CACNA2D3: variants seen among roughly 807,000 people sequenced by gnomAD.
The protein encoded by CACNA2D3 is calcium voltage-gated channel auxiliary subunit alpha2delta 3, also known as voltage-dependent calcium channel subunit alpha-2/delta-3.
A neutral mutation model predicts 160.6 loss-of-function variants in CACNA2D3; 60 were observed. The observed-to-expected ratio is 0.37, with a 90% CI of 0.30 to 0.46. CACNA2D3 has a LOEUF of 0.46. Ranked by LOEUF, CACNA2D3 falls within the 20% of genes least tolerant of loss-of-function variation. The pLI, the probability that CACNA2D3 is intolerant of heterozygous loss-of-function variation, is 1.00. For missense variants in CACNA2D3, 1,205 were observed against 1,365.0 expected, an observed-to-expected ratio of 0.88 and a Z score of 1.85; for synonymous variants, 558 against 492.9, an observed-to-expected ratio of 1.13 and a Z score of -1.75.
rs148169173 is a variant in CACNA2D3 at position 54,800,784 on chromosome 3, A to G, written c.1381-16069A>G. Among the ~76,000 whole-genome samples, 503 of 152,294 alleles carry G rather than the reference A, an allele frequency of 3.3e-3. 3 individuals are homozygous for G. The highest frequency in any genetic ancestry group is 0.011 in the African/African-American group (467 of 41,562). On this transcript the variant is annotated intron_variant, in intron 13 of 37. Coordinates refer to ENST00000474759, the MANE Select transcript of CACNA2D3 (RefSeq NM_018398.3). ...TTTTCATTCAAAATTAAGTTTGAAA[A>G]TATGACCTTCAGTGACCAGTCCACA...
intron 3 of CACNA2D3, among the ~76,000 whole-genome samples, chr3:54,343,734 C>T (rs1476532442): frequency 6.6e-6 from 1 of 152,112 alleles, no homozygotes; most frequent in East Asian, 1.9e-4. Context: ...AAACCCTCTA[C>T]CCCCCACAGC....
intron 13 of CACNA2D3, among the ~76,000 whole-genome samples, chr3:54,772,289 C>G (rs954430722): frequency 4.6e-5 from 7 of 151,388 alleles, no homozygotes; most frequent in African/African-American, 1.7e-4. Flanking sequence ...GAAAACCCAG[C>G]AGCAGTAAAT....
intron 2 of CACNA2D3, among the ~76,000 whole-genome samples, chr3:54,153,750 G>C (rs1416123745): frequency 6.6e-6 from 1 of 152,138 alleles, no homozygotes; most frequent in Non-Finnish European, 1.5e-5. Context: ...CATTGCACTG[G>C]TATTTTTATT....
rs539499554 is a variant in CACNA2D3 at position 54,526,771 on chromosome 3, A to G, written c.544+23117A>G. ...AGTGGCATGATCTCAGCTCACTGCA[A>G]CCTCCACCTCCTGGGTTCAAGTGAT... On this transcript the variant is annotated intron_variant, in intron 5 of 37. Coordinates refer to ENST00000474759, the MANE Select transcript of CACNA2D3 (RefSeq NM_018398.3). Among the ~76,000 whole-genome samples, 9 of 152,004 alleles carry G rather than the reference A, an allele frequency of 5.9e-5. No homozygotes were observed. In the East Asian group the frequency reaches 1.7e-3, roughly 29 times the overall value.
chr3:54,588,590 A>G (rs913363821), intron 9 of CACNA2D3, among the ~76,000 whole-genome samples: 8 of 152,184 alleles, frequency 5.3e-5, no homozygotes, highest in African/African-American at 1.9e-4. Context: ...AGAACTAATA[A>G]GAGAGCTCAG....
At chr3:54,751,290 A>G (rs919629393) in intron 11 of CACNA2D3, among the ~76,000 whole-genome samples, 7 of 152,226 alleles carry the variant, frequency 4.6e-5, no homozygotes, top group Admixed American at 3.9e-4. Context: ...CCAAGCACAG[A>G]TGAGCACAGA....
At chr3:54,729,615 A>G (rs1177645040) in intron 11 of CACNA2D3, among the ~76,000 whole-genome samples, 2 of 152,190 alleles carry the variant, frequency 1.3e-5, no homozygotes, top group Admixed American at 1.3e-4. Context: ...GTTATCAATA[A>G]GAGTATTGCT....
intron 2 of CACNA2D3, among the ~76,000 whole-genome samples, chr3:54,146,801 G>A (rs562443798): frequency 6.6e-6 from 1 of 152,206 alleles, no homozygotes; most frequent in Non-Finnish European, 1.5e-5. Flanking sequence ...CCTGTTTCCC[G>A]CCTGCGATTG....
intron 5 of CACNA2D3, among the ~76,000 whole-genome samples, chr3:54,518,970 CAG>C (rs1390952195): frequency 2.7e-4 from 6 of 22,080 alleles, no homozygotes; most frequent in African/African-American, 8.2e-4. Context: ...AAAAGGGACT[CAG>C]GGGATGAGGG....
At chr3:54,819,826 A>C (rs148829158) in intron 14 of CACNA2D3, among the ~76,000 whole-genome samples, 1 of 152,108 alleles carries the variant, frequency 6.6e-6, no homozygotes, top group Non-Finnish European at 1.5e-5. Flanking sequence ...GCCTGGTGAC[A>C]GGGTGAGACT....
At chr3:54,946,529 G>C (rs569248064) in intron 27 of CACNA2D3, among the ~76,000 whole-genome samples, 9 of 152,254 alleles carry the variant, frequency 5.9e-5, no homozygotes, top group Non-Finnish European at 1.2e-4. Context: ...AGAAGAGAAA[G>C]CCTCTTAGAA....
intron 13 of CACNA2D3, among the ~76,000 whole-genome samples, chr3:54,787,816 G>A (rs1702670235): frequency 6.6e-6 from 1 of 152,214 alleles, no homozygotes; most frequent in Non-Finnish European, 1.5e-5. Context: ...CCTGGTACAG[G>A]AGAGGGGAAG....
intron 4 of CACNA2D3, among the ~76,000 whole-genome samples, chr3:54,470,614 G>A (rs1356323695): frequency 6.6e-6 from 1 of 152,110 alleles, no homozygotes; most frequent in African/African-American, 2.4e-5. Context: ...TGGGCTAAAT[G>A]CCCCAATTAA....
chr3:54,568,067 G>T (rs1041163205), intron 6 of CACNA2D3, among the ~76,000 whole-genome samples: 6 of 152,214 alleles, frequency 3.9e-5, no homozygotes, highest in African/African-American at 1.4e-4. Flanking sequence ...ACAGAATTAT[G>T]TTGGGAACAT....
chr3:54,210,458 G>C (rs928268311), intron 2 of CACNA2D3, among the ~76,000 whole-genome samples: 3 of 152,016 alleles, frequency 2.0e-5, no homozygotes, highest in Non-Finnish European at 4.4e-5. Context: ...GTGTGTGTGT[G>C]TGTTTAAGAT....
intron 27 of CACNA2D3, among the ~76,000 whole-genome samples, chr3:54,949,083 C>T (rs1293028601): frequency 6.6e-6 from 1 of 152,146 alleles, no homozygotes; most frequent in Non-Finnish European, 1.5e-5. Flanking sequence ...ATCCAGTGCC[C>T]CCAGTATTCA....
intron 2 of CACNA2D3, among the ~76,000 whole-genome samples, chr3:54,199,687 A>T (rs976937745): frequency 2.0e-5 from 3 of 152,166 alleles, no homozygotes; most frequent in African/African-American, 7.2e-5. Flanking sequence ...TCATTGAAAG[A>T]ACATTTATCC....
At chr3:54,976,516 T>C (rs762733240) in intron 29 of CACNA2D3, among the ~76,000 whole-genome samples, 2 of 152,138 alleles carry the variant, frequency 1.3e-5, no homozygotes, top group Non-Finnish European at 2.9e-5. Flanking sequence ...ATCTCAGTTT[T>C]CTCTTCTTTC....
chr3:54,389,324 A>G (rs1443114418), intron 4 of CACNA2D3, among the ~76,000 whole-genome samples: 3 of 151,994 alleles, frequency 2.0e-5, no homozygotes, highest in East Asian at 3.9e-4. Flanking sequence ...AATGAGGGGG[A>G]ATGTCTTAGA....
Sources: allele counts gnomAD v4.1 joint callset (sites outside exome capture counted in the v4.1 genomes callset), GRCh38; gene constraint gnomAD v4.1.1; transcripts MANE v1.5; gene names NCBI Gene and HGNC (gene_info 2026-07-23, HGNC 2026-07-21).